Variants in CYP26A1 observed in about 807,000 individuals in gnomAD.
CYP26A1 encodes cytochrome P450 family 26 subfamily A member 1, also known as cytochrome P450 26A1.
Under a neutral mutation model 47.4 loss-of-function variants are expected in CYP26A1, and 46 were observed. The observed-to-expected ratio is 0.97, with a 90% CI of 0.77 to 1.24. The LOEUF (loss-of-function observed/expected upper bound fraction) is 1.24, where lower values mean the gene tolerates loss of function less well. CYP26A1 is among the 50% of genes most tolerant of loss of function. The probability of loss-of-function intolerance (pLI) is 0.00; values close to 1 mark genes in which losing one functional copy is unlikely to be tolerated. For synonymous variants in CYP26A1, 277 were observed against 263.7 expected, an observed-to-expected ratio of 1.05 and a Z score of -0.49; for missense variants, 680 against 644.4, an observed-to-expected ratio of 1.06 and a Z score of -0.60.
In CYP26A1 at chr10:93,074,372, G is replaced by A; in HGVS notation, c.254G>A (p.Gly85Glu). 1 of 1,612,520 alleles carries A rather than the reference G, an allele frequency of 6.2e-7. No individual in the cohort carries two copies. The highest frequency in any genetic ancestry group is 8.5e-7 in the Non-Finnish European group (1 of 1,179,262). Reference sequence around the variant, plus strand: ...TTCATCTACAAGACGCATCTGTTCGGGCGGCCCACCGTACGGGTGATGGGC... The same window carrying A: ...TTCATCTACAAGACGCATCTGTTCGAGCGGCCCACCGTACGGGTGATGGGC... The part of the protein sequence containing the change: ...YGFIYKTHLF[G>E]RPTVRVMGAD... The change falls in exon 2 of 7, where the codon GGG (glycine) becomes GAG (glutamate). Residue 85 changes from glycine (G) to glutamate (E), a missense_variant. Coordinates refer to ENST00000224356, the MANE Select transcript of CYP26A1 (RefSeq NM_000783.4). This position sits in a 1 kb window ranked among gnomAD's most constrained non-coding sequence, Gnocchi z 5.3.
rs745625510 is a variant in CYP26A1 at position 93,075,211 on chromosome 10, C to G, written c.768C>G (p.Cys256Trp). The change falls in exon 4 of 7, where the codon TGC (cysteine) becomes TGG (tryptophan). Residue 256 changes from cysteine (C) to tryptophan (W), a missense_variant. Physicochemically the swap from Cys to Trp is radical, Grantham distance 215 (BLOSUM62 -2). Transcript: ENST00000224356. ...RIEQNIRAKI[C>W]GLRASEAGQG... Reference sequence around the variant, plus strand: ...AGCAGAACATTCGCGCCAAGATCTGCGGGCTGCGGGCATCCGAGGCGGGCC... The same window carrying G: ...AGCAGAACATTCGCGCCAAGATCTGGGGGCTGCGGGCATCCGAGGCGGGCC... 1.2e-6 allele frequency: 2 copies of G among 1,613,896 alleles called. No individual in the cohort carries two copies. Among genetic ancestry groups the G allele is most frequent in the South Asian group, 1.1e-5 (1 of 91,072 alleles).
intron 5 of CYP26A1, 78 bp downstream of exon 5, chr10:93,076,038 AGTGT>A: frequency 1.8e-6 from 2 of 1,136,846 alleles, no homozygotes; most frequent in Non-Finnish European, 2.6e-6. Context: ...CGAATAAGTC[AGTGT>A]GCTGCCTTCA....
chr10:93,074,447 T>A lies in CYP26A1; in HGVS notation c.329T>A (p.Val110Asp). ...ILLGEHRLVS[V>D]HWPASVRTIL... is the part of the protein sequence containing the mutation. ...CTCGGAGAGCACCGGCTGGTGTCGG[T>A]CCACTGGCCAGCGTCGGTGCGCACC... is the stretch of plus-strand genomic sequence containing the variant. The change falls in exon 2 of 7, where the codon GTC becomes GAC. Residue 110 changes from valine to aspartate, a missense_variant. Val to Asp is a radical substitution (Grantham distance 152). Coordinates refer to ENST00000224356, the MANE Select transcript of CYP26A1 (RefSeq NM_000783.4). The surrounding 1 kb of genome is among the most constrained non-coding windows in gnomAD (Gnocchi z 5.3). 1 of 1,611,758 alleles carries A rather than the reference T, an allele frequency of 6.2e-7. No individual in the cohort carries two copies. The highest frequency in any genetic ancestry group is 1.1e-5 in the South Asian group (1 of 91,058).
At position 93,074,370 on chromosome 10, in the gene CYP26A1, C is replaced by A. The variant is rs1846939085; in HGVS notation, c.252C>A (p.Phe84Leu). The stretch of plus-strand genomic sequence containing the variant: ...GCTTCATCTACAAGACGCATCTGTT[C>A]GGGCGGCCCACCGTACGGGTGATGG... The part of the protein sequence containing the change: ...KYGFIYKTHL[F>L]GRPTVRVMGA... The change falls in exon 2 of 7, where the codon TTC becomes TTA. Residue 84 changes from phenylalanine (F) to leucine (L), a missense_variant. By Grantham distance (22) the Phe-to-Leu change is conservative (BLOSUM62 0). Coordinates refer to ENST00000224356, the MANE Select transcript of CYP26A1 (RefSeq NM_000783.4). The surrounding 1 kb of genome is among the most constrained non-coding windows in gnomAD (Gnocchi z 5.3). 3.1e-6 allele frequency: 5 copies of A among 1,612,154 alleles called. No homozygotes were observed. The highest frequency in any genetic ancestry group is 4.2e-6 in the Non-Finnish European group (5 of 1,178,966).
chr10:93,075,049 C>A lies in CYP26A1; in HGVS notation c.685C>A (p.Pro229Thr), dbSNP rs758751809. Reference sequence around the variant, plus strand: ...TCTCTTCTCGCTGCCCATCGACGTGCCCTTCAGCGGGCTGTACCGGGTAAG... The same window carrying A: ...TCTCTTCTCGCTGCCCATCGACGTGACCTTCAGCGGGCTGTACCGGGTAAG... Reference protein sequence around the residue: ...RNLFSLPIDVPFSGLYRGMKA... With the variant: ...RNLFSLPIDVTFSGLYRGMKA... The change falls in exon 3 of 7, where the codon CCC becomes ACC. Residue 229 changes from proline (P) to threonine (T), a missense_variant. Physicochemically the swap from Pro to Thr is conservative, Grantham distance 38 (BLOSUM62 -1). Transcript: ENST00000224356. 1.2e-6 allele frequency: 2 copies of A among 1,612,934 alleles called. No homozygotes were observed. The highest frequency in any genetic ancestry group is 1.7e-6 in the Non-Finnish European group (2 of 1,179,924).
chr10:93,074,722 C>A lies in CYP26A1; in HGVS notation c.415-57C>A. ...ACTGGGGGTGTCTGGAAGGGGACGG[C>A]GGTAGACGAGAGGGGCGGATGGAGG... is the stretch of plus-strand genomic sequence containing the variant. On this transcript the variant is annotated intron_variant, in intron 2 of 6. Transcript: ENST00000224356. The surrounding 1 kb of genome is among the most constrained non-coding windows in gnomAD (Gnocchi z 5.3). 1 of 1,425,946 alleles carries A rather than the reference C, an allele frequency of 7.0e-7. No individual in the cohort carries two copies. The highest frequency in any genetic ancestry group is 9.6e-7 in the Non-Finnish European group (1 of 1,038,728). 88.3% of individuals were successfully genotyped at this position (1,425,946 alleles called of 1,614,324 possible). A position where few individuals can be genotyped will look rare whatever the true frequency, so the allele number is the denominator to read the frequency against.
chr10:93,075,927 T>A lies in CYP26A1; in HGVS notation c.966T>A (p.Val322=). The A allele has an allele frequency of 6.2e-7, 1 of 1,613,062 alleles. No individual in the cohort carries two copies. Among genetic ancestry groups the A allele is most frequent in the East Asian group, 2.2e-5 (1 of 44,874 alleles). The change falls in exon 5 of 7, where the codon GTT becomes GTA. Residue 322 remains valine (V), a synonymous_variant. Transcript: ENST00000224356. Reference sequence around the variant, plus strand: ...CTTACCTGGGGCTCTACCCACATGTTCTCCAGAAAGTGCGAGAAGAGCTGA... The same window carrying A: ...CTTACCTGGGGCTCTACCCACATGTACTCCAGAAAGTGCGAGAAGAGCTGA... ...LITYLGLYPH[V]LQKVREELKS...
chr10:93,075,038 C>G lies in CYP26A1; in HGVS notation c.674C>G (p.Pro225Arg). ...EEMTRNLFSLPIDVPFSGLYR... is the reference protein window; with the variant it reads ...EEMTRNLFSLRIDVPFSGLYR... ...ATGACCCGCAATCTCTTCTCGCTGCCCATCGACGTGCCCTTCAGCGGGCTG... is the reference window on the plus strand; with the variant it reads ...ATGACCCGCAATCTCTTCTCGCTGCGCATCGACGTGCCCTTCAGCGGGCTG... Residue 225 changes from proline to arginine, a missense_variant, in exon 3 of 7, where the codon CCC becomes CGC. Pro to Arg is a moderately radical substitution (Grantham distance 103, BLOSUM62 -2). Transcript: ENST00000224356. 1 of 1,613,030 alleles carries G rather than the reference C, an allele frequency of 6.2e-7. No individual in the cohort carries two copies. The highest frequency in any genetic ancestry group is 8.5e-7 in the Non-Finnish European group (1 of 1,179,986).
chr10:93,075,377 C>T, intron 4 of CYP26A1, 70 bp downstream of exon 4: 6 of 1,473,500 alleles, frequency 4.1e-6, no homozygotes, highest in South Asian at 1.2e-5. Context: ...GTTCCTGGGG[C>T]CCCCAAAGCG....
Position 93,074,864 on chromosome 10 carries a change from G to C in CYP26A1, c.500G>C (p.Trp167Ser). The change falls in exon 3 of 7, where the codon TGG becomes TCG. Residue 167 changes from tryptophan (W) to serine (S), a missense_variant. By Grantham distance (177) the Trp-to-Ser change is radical. Transcript: ENST00000224356. The surrounding 1 kb of genome is among the most constrained non-coding windows in gnomAD (Gnocchi z 5.3). ...GAAGTGGGCAGCAGCCTGGAGCAGT[G>C]GCTGAGCTGCGGCGAGCGCGGCCTC... ...TEEVGSSLEQ[W>S]LSCGERGLLV... The C allele has an allele frequency of 6.2e-7, 1 of 1,612,702 alleles. No individual in the cohort carries two copies. Among genetic ancestry groups the C allele is most frequent in the South Asian group, 1.1e-5 (1 of 91,068 alleles).
Position 93,077,128 on chromosome 10 carries a change from A to G in CYP26A1, c.1318A>G (p.Arg440Gly), listed in dbSNP as rs747123621. 1.9e-6 allele frequency: 3 copies of G among 1,614,104 alleles called. No individual in the cohort carries two copies. The highest frequency in any genetic ancestry group is 1.7e-6 in the Non-Finnish European group (2 of 1,180,032). ...FSFIPFGGGL[R>G]SCVGKEFAKI... ...CTTCATTCCATTTGGAGGAGGCCTT[A>G]GGAGCTGTGTAGGCAAAGAATTTGC... is the stretch of plus-strand genomic sequence containing the variant. The change falls in exon 7 of 7, where the codon AGG becomes GGG. Residue 440 changes from arginine (R) to glycine (G), a missense_variant. Physicochemically the swap from Arg to Gly is moderately radical, Grantham distance 125 (BLOSUM62 -2). Transcript: ENST00000224356.
At position 93,074,776 on chromosome 10, in the gene CYP26A1, C is replaced by T; in HGVS notation, c.415-3C>T. 1 of 1,600,256 alleles carries T rather than the reference C, an allele frequency of 6.2e-7. No individual in the cohort carries two copies. The highest frequency in any genetic ancestry group is 2.2e-5 in the East Asian group (1 of 44,844). ...TTAACGCTGTCCCCTCCTCGGGACT[C>T]AGGTGATTATGCGGGCCTTCAGCCG... On this transcript the variant is annotated splice_region_variant and splice_polypyrimidine_tract_variant and intron_variant, in intron 2 of 6. Coordinates refer to ENST00000224356, the MANE Select transcript of CYP26A1 (RefSeq NM_000783.4). This position sits in a 1 kb window ranked among gnomAD's most constrained non-coding sequence, Gnocchi z 5.3.
Position 93,074,505 on chromosome 10 carries a change from C to G in CYP26A1, c.387C>G (p.His129Gln). Residue 129 changes from histidine to glutamine, a missense_variant, in exon 2 of 7, where the codon CAC becomes CAG. Transcript: ENST00000224356. This position sits in a 1 kb window ranked among gnomAD's most constrained non-coding sequence, Gnocchi z 5.3. ...ILGSGCLSNL[H>Q]DSSHKQRKKV... ...GATCTGGCTGCCTCTCTAACCTGCACGACTCCTCGCACAAGCAGCGCAAGA... is the reference window on the plus strand; with the variant it reads ...GATCTGGCTGCCTCTCTAACCTGCAGGACTCCTCGCACAAGCAGCGCAAGA... The G allele has an allele frequency of 6.2e-7, 1 of 1,607,452 alleles. No homozygotes were observed. The highest frequency in any genetic ancestry group is 8.5e-7 in the Non-Finnish European group (1 of 1,174,694).
At chr10:93,075,346 T>C (rs1415528888) in intron 4 of CYP26A1, 39 bp downstream of exon 4, 3 of 1,591,248 alleles carry the variant, frequency 1.9e-6, no homozygotes, top group Admixed American at 3.4e-5. Flanking sequence ...CGGAGTTTGG[T>C]CCCCTGGCTT....
At position 93,077,494 on chromosome 10, in the gene CYP26A1, G is replaced by T. The variant is rs1428832343; in HGVS notation, c.*190G>T. ...TTTCCAAATAAAGTAAAATTTGAAG[G>T]TACTTTTCTGGTATTTTAAGATTCC... On this transcript the variant is annotated 3_prime_UTR_variant, in exon 7 of 7. Transcript: ENST00000224356. 1.9e-5 allele frequency: 7 copies of T among 361,406 alleles called. No individual in the cohort carries two copies. The highest frequency in any genetic ancestry group is 3.4e-5 in the Non-Finnish European group (7 of 206,544). The allele number at this position is 361,406 out of a possible 1,614,324, so 22.4% of individuals were successfully genotyped here.
In CYP26A1 at chr10:93,077,375, C is replaced by T; in HGVS notation, c.*71C>T. ...GAGTTTTTAAGGAGTGTTGTGTTGA[C>T]TTTATATTTAATTTCTAAATGTATA... On this transcript the variant is annotated 3_prime_UTR_variant, in exon 7 of 7. Coordinates refer to ENST00000224356, the MANE Select transcript of CYP26A1 (RefSeq NM_000783.4). The T allele has an allele frequency of 1.4e-6, 1 of 692,862 alleles. No individual in the cohort carries two copies. The highest frequency in any genetic ancestry group is 2.2e-6 in the Non-Finnish European group (1 of 459,608). 42.9% of individuals were successfully genotyped at this position (692,862 alleles called of 1,614,324 possible). A position where few individuals can be genotyped will look rare whatever the true frequency, so the allele number is the denominator to read the frequency against.
chr10:93,074,924 G>A lies in CYP26A1; in HGVS notation c.560G>A (p.Arg187Gln). The A allele has an allele frequency of 6.2e-7, 1 of 1,613,266 alleles. No individual in the cohort carries two copies. The highest frequency in any genetic ancestry group is 8.5e-7 in the Non-Finnish European group (1 of 1,180,028). Residue 187 changes from arginine to glutamine, a missense_variant, in exon 3 of 7, where the codon CGA becomes CAA. Coordinates refer to ENST00000224356, the MANE Select transcript of CYP26A1 (RefSeq NM_000783.4). The surrounding 1 kb of genome is among the most constrained non-coding windows in gnomAD (Gnocchi z 5.3). ...VYPEVKRLMF[R>Q]IAMRILLGCE... Reference sequence around the variant, plus strand: ...CCCGAGGTGAAGCGCCTCATGTTCCGAATCGCCATGCGCATCCTACTGGGC... The same window carrying A: ...CCCGAGGTGAAGCGCCTCATGTTCCAAATCGCCATGCGCATCCTACTGGGC...
upstream of CYP26A1, chr10:93,073,486 A>G (rs546600702): frequency 5.7e-4 from 97 of 171,036 alleles, 1 homozygote; most frequent in African/African-American, 2.2e-3. Context: ...GGCACCTGGA[A>G]ATGGAAAGCC....
intron 4 of CYP26A1, 191 bp downstream of exon 4, chr10:93,075,498 C>T: frequency 4.8e-6 from 3 of 626,184 alleles, no homozygotes; most frequent in Middle Eastern, 8.6e-4. Flanking sequence ...GGGGCTGCGG[C>T]GGAACTGGGA....
Sources: gnomAD v4.1 joint callset for allele counts on GRCh38, gnomAD v4.1.1 for gene constraint, Gnocchi (gnomAD v3.1) non-coding constraint, MANE v1.5 for transcripts, NCBI Gene and HGNC (gene_info 2026-07-23, HGNC 2026-07-21) for gene names.